The following EXOC3 variants were observed in gnomAD, a reference collection of about 807,000 sequenced individuals.
EXOC3 encodes the protein SEC6-like 1.
A neutral mutation model predicts 73.7 loss-of-function variants in EXOC3; 21 were observed. That is an observed-to-expected ratio of 0.29 (90% confidence interval 0.20 to 0.41). The LOEUF is 0.41. Ranked by LOEUF, EXOC3 falls within the 10% of genes least tolerant of loss-of-function variation. The pLI is 1.00. For missense variants in EXOC3, 842 were observed against 985.1 expected, an observed-to-expected ratio of 0.85 and a Z score of 1.95; for synonymous variants, 410 against 389.1, an observed-to-expected ratio of 1.05 and a Z score of -0.63.
At position 458,017 on chromosome 5, in the gene EXOC3, G is replaced by A; in HGVS notation, c.1282G>A (p.Val428Ile). 3.7e-6 allele frequency: 6 copies of A among 1,612,470 alleles called. No homozygotes were observed. The highest frequency in any genetic ancestry group is 5.1e-6 in the Non-Finnish European group (6 of 1,179,174). ...GYYQTTLPAIVFQMFEQNLQV... is the reference protein window; with the variant it reads ...GYYQTTLPAIIFQMFEQNLQV... Reference sequence around the variant, plus strand: ...CTACCAGACCACACTCCCTGCCATTGTCTTCCAGGTACCACCTGCAGGGGA... The same window carrying A: ...CTACCAGACCACACTCCCTGCCATTATCTTCCAGGTACCACCTGCAGGGGA... The change falls in exon 6 of 13, where the codon GTC (valine) becomes ATC (isoleucine). Residue 428 changes from valine to isoleucine, a missense_variant. By Grantham distance (29) the Val-to-Ile change is conservative (BLOSUM62 3). Transcript: ENST00000512944.
intron 10 of EXOC3, 141 bp downstream of exon 10, chr5:464,553 T>C: frequency 1.2e-6 from 1 of 865,472 alleles, no homozygotes; most frequent in Non-Finnish European, 1.8e-6. Context: ...GGCAATAGGC[T>C]CTGCGGACGC....
chr5:461,889 C>T (rs1175663027), intron 7 of EXOC3, 71 bp from the exon 8 acceptor site: 10 of 1,052,042 alleles, frequency 9.5e-6, no homozygotes, highest in South Asian at 4.1e-5. Context: ...CCAGGCGTGA[C>T]GTCAGCGTGG....
chr5:457,613 C>T lies in EXOC3; in HGVS notation c.1165-287C>T, dbSNP rs564882601. ...CATTCTCTGTGCACCTGGGATTCAG[C>T]GGCCTTGTCCTCCAGCATGAGGTGC... On this transcript the variant is annotated intron_variant, in intron 5 of 12. Coordinates refer to ENST00000512944, the MANE Select transcript of EXOC3 (RefSeq NM_007277.5). The T allele has an allele frequency of 2.0e-4, 64 of 318,032 alleles. 1 individual carries two copies. The South Asian group carries it at 2.2e-3, about 11-fold the overall frequency. 19.7% of individuals were successfully genotyped at this position (318,032 alleles called of 1,614,324 possible).
At chr5:449,240 A>C (rs72717439) in intron 3 of EXOC3, among the ~76,000 whole-genome samples, 2 of 152,350 alleles carry the variant, frequency 1.3e-5, no homozygotes, top group African/African-American at 2.4e-5. Flanking sequence ...CTCATTGCCT[A>C]TAACTCAGCA....
In EXOC3 at chr5:453,976, A is replaced by G. The variant is rs1483170007; in HGVS notation, c.971A>G (p.Gln324Arg). The G allele has an allele frequency of 1.2e-6, 2 of 1,613,912 alleles. No homozygotes were observed. Residue 324 changes from glutamine (Q) to arginine (R), a missense_variant, in exon 4 of 13, where the codon CAG (glutamine) becomes CGG (arginine). By Grantham distance (43) the Gln-to-Arg change is conservative. Transcript: ENST00000512944. Reference sequence around the variant, plus strand: ...CACCAAGCCCTGAGCACGCGGATGCAGGACCTCGCATCGGAAGACCTGGAA... The same window carrying G: ...CACCAAGCCCTGAGCACGCGGATGCGGGACCTCGCATCGGAAGACCTGGAA... ...MYHQALSTRM[Q>R]DLASEDLEAN... is the part of the protein sequence containing the mutation.
At chr5:464,038 C>T (rs2561667) in intron 9 of EXOC3, among the ~76,000 whole-genome samples, 70,314 of 152,054 alleles carry the variant, frequency 0.46, 17,263 homozygotes, top group African/African-American at 0.64. Flanking sequence ...AGCAGTGTGA[C>T]GTAGCAAAGA....
intron 5 of EXOC3, chr5:457,534 CTG>C (rs1737858784): frequency 1.3e-5 from 3 of 235,298 alleles, no homozygotes; most frequent in Non-Finnish European, 2.5e-5. Context: ...ACGTGAGCTG[CTG>C]TGGTTGCTGA....
chr5:464,140 G>T, intron 9 of EXOC3, 150 bp from the exon 10 acceptor site: 1 of 656,500 alleles, frequency 1.5e-6, no homozygotes, highest in Non-Finnish European at 2.5e-6. Flanking sequence ...CGCAGCTCTC[G>T]TGGGGCGTTG....
intron 3 of EXOC3, among the ~76,000 whole-genome samples, chr5:448,405 C>T (rs997127478): frequency 2.0e-5 from 3 of 152,218 alleles, no homozygotes; most frequent in Admixed American, 6.5e-5. Flanking sequence ...GCTGCTTCCA[C>T]AGCCTCATCC....
At position 464,331 on chromosome 5, in the gene EXOC3, G is replaced by T; in HGVS notation, c.1695G>T (p.Gly565=). Reference sequence around the variant, plus strand: ...TGATGACGAAGAAGTGGCTATTAGGGTCAAACGCTGTAGACATTATCTGTG... The same window carrying T: ...TGATGACGAAGAAGTGGCTATTAGGTTCAAACGCTGTAGACATTATCTGTG... The part of the protein sequence containing the change: ...NELMTKKWLL[G]SNAVDIICVT... Residue 565 remains glycine (G), a synonymous_variant, in exon 10 of 13, where the codon GGG becomes GGT. Transcript: ENST00000512944. 6.2e-7 allele frequency: 1 copy of T among 1,613,590 alleles called. No individual in the cohort carries two copies. The highest frequency in any genetic ancestry group is 1.1e-5 in the South Asian group (1 of 91,072).
intron 1 of EXOC3, among the ~76,000 whole-genome samples, chr5:445,488 T>C (rs1737479972): frequency 6.6e-6 from 1 of 152,144 alleles, no homozygotes; most frequent in Non-Finnish European, 1.5e-5. Context: ...TAGCTGGGAC[T>C]ACAGGCACCC....
intron 3 of EXOC3, among the ~76,000 whole-genome samples, chr5:451,991 T>C (rs985781224): frequency 6.6e-6 from 1 of 152,264 alleles, no homozygotes; most frequent in African/African-American, 2.4e-5. Context: ...AAAAGTTTGA[T>C]TAAGTTGTAT....
At position 457,884 on chromosome 5, in the gene EXOC3, G is replaced by T; in HGVS notation, c.1165-16G>T. ...TCTTCTCTCTTCTCTTCTCCATGATGCTGAACTTTCTTTAGTCAAACATCA... is the reference window on the plus strand; with the variant it reads ...TCTTCTCTCTTCTCTTCTCCATGATTCTGAACTTTCTTTAGTCAAACATCA... On this transcript the variant is annotated splice_polypyrimidine_tract_variant and intron_variant, in intron 5 of 12. Transcript: ENST00000512944. 1.9e-6 allele frequency: 3 copies of T among 1,597,518 alleles called. No individual in the cohort carries two copies. The highest frequency in any genetic ancestry group is 2.6e-6 in the Non-Finnish European group (3 of 1,171,390).
chr5:452,183 G>A (rs1263445462), intron 3 of EXOC3, among the ~76,000 whole-genome samples: 2 of 152,104 alleles, frequency 1.3e-5, no homozygotes, highest in Non-Finnish European at 2.9e-5. Context: ...GCTTGATGAT[G>A]TCCACAAGGT....
chr5:462,610 G>T, intron 9 of EXOC3: 1 of 379,010 alleles, frequency 2.6e-6, no homozygotes, highest in Admixed American at 4.1e-5. Flanking sequence ...AAGTCAAATT[G>T]AGAGTGCACA....
chr5:465,664 C>G, intron 11 of EXOC3, 54 bp from the exon 12 acceptor site: 1 of 1,608,548 alleles, frequency 6.2e-7, no homozygotes. Context: ...TCCAGCTGCT[C>G]CCAGCGCCGC....
In EXOC3 at chr5:461,940, C is replaced by T. The variant is rs748491930; in HGVS notation, c.1392-20C>T. 21 of 1,549,746 alleles carry T rather than the reference C, an allele frequency of 1.4e-5. No individual in the cohort carries two copies. The highest frequency in any genetic ancestry group is 1.6e-5 in the Non-Finnish European group (18 of 1,141,366). On this transcript the variant is annotated intron_variant, in intron 7 of 12. Coordinates refer to ENST00000512944, the MANE Select transcript of EXOC3 (RefSeq NM_007277.5). ...CATGTTGCCCTTAGTGCTGTCTGAC[C>T]GAAGCCTGTCTGTCCTCAGATATAA...
In EXOC3 at chr5:466,837, A is replaced by T; in HGVS notation, c.2177A>T (p.Tyr726Phe). Residue 726 changes from tyrosine (Y) to phenylalanine (F), a missense_variant, in exon 13 of 13, where the codon TAC becomes TTC. Transcript: ENST00000512944. ...GGCCCAGCACAGGCCAGCCCCAGCT[A>T]CGTGCCCCTCTTCAAGGACATTGTG... ...EQGPAQASPS[Y>F]VPLFKDIVVP... is the part of the protein sequence containing the mutation. The T allele has an allele frequency of 6.2e-7, 1 of 1,613,338 alleles. No individual in the cohort carries two copies. Among genetic ancestry groups the T allele is most frequent in the Non-Finnish European group, 8.5e-7 (1 of 1,179,708 alleles).
intron 3 of EXOC3, among the ~76,000 whole-genome samples, chr5:449,194 C>A (rs1421853319): frequency 6.6e-6 from 1 of 152,198 alleles, no homozygotes; most frequent in Non-Finnish European, 1.5e-5. Flanking sequence ...GATAAATTTT[C>A]ATTGAGAAGA....
Sources: allele counts gnomAD v4.1 joint callset (sites outside exome capture counted in the v4.1 genomes callset), GRCh38; gene constraint gnomAD v4.1.1; transcripts MANE v1.5; gene names NCBI Gene and HGNC (gene_info 2026-07-23, HGNC 2026-07-21).